Variants in PRUNE2 observed in about 807,000 individuals in gnomAD.
The protein encoded by PRUNE2 is protein prune homolog 2.
A neutral mutation model predicts 252.0 loss-of-function variants in PRUNE2; 164 were observed. The observed-to-expected ratio is 0.65, with a 90% CI of 0.57 to 0.74. The LOEUF is 0.74. Ranked by LOEUF, PRUNE2 falls within the 30% of genes least tolerant of loss-of-function variation. PRUNE2 has a pLI of 0.00. For synonymous variants in PRUNE2, 1,292 were observed against 1,350.2 expected (o/e 0.96, Z 0.94); for missense variants, 3,495 against 3,711.0 (o/e 0.94, Z 1.51).
At chr9:76,701,765 T>C (rs2045906853) in intron 9 of PRUNE2, among the ~76,000 whole-genome samples, 1 of 152,208 alleles carries the variant, frequency 6.6e-6, no homozygotes, top group African/African-American at 2.4e-5. Context: ...TTCTTTCCAT[T>C]GTCCTTGTTC....
intron 6 of PRUNE2, among the ~76,000 whole-genome samples, chr9:76,714,063 T>C (rs1411700100): frequency 1.3e-5 from 2 of 152,346 alleles, no homozygotes; most frequent in South Asian, 4.1e-4. Flanking sequence ...AGGATCTATA[T>C]ACGAATGTCT....
intron 6 of PRUNE2, among the ~76,000 whole-genome samples, chr9:76,726,093 G>C (rs2048080810): frequency 6.6e-6 from 1 of 151,972 alleles, no homozygotes; most frequent in Non-Finnish European, 1.5e-5. Context: ...CCTCTACACG[G>C]TGGGAACCAC....
At chr9:76,670,270 G>T (rs1355712938) in intron 9 of PRUNE2, among the ~76,000 whole-genome samples, 3 of 152,080 alleles carry the variant, frequency 2.0e-5, no homozygotes, top group Non-Finnish European at 4.4e-5. Context: ...TTCCCTTTCT[G>T]AGTCAAAGAA....
At chr9:76,631,259 C>G (rs1837517676) in intron 15 of PRUNE2, among the ~76,000 whole-genome samples, 1 of 152,220 alleles carries the variant, frequency 6.6e-6, no homozygotes, top group African/African-American at 2.4e-5. Context: ...AAAGGAAAAC[C>G]TCCAGCTCCA....
intron 4 of PRUNE2, among the ~76,000 whole-genome samples, chr9:76,838,399 C>A (rs1265843019): frequency 6.6e-6 from 1 of 151,880 alleles, no homozygotes; most frequent in Non-Finnish European, 1.5e-5. Flanking sequence ...AATCCCAACA[C>A]TTTGGGGGGC....
chr9:76,776,824 T>G (rs1028780780), intron 6 of PRUNE2, among the ~76,000 whole-genome samples: 26 of 151,622 alleles, frequency 1.7e-4, no homozygotes, highest in South Asian at 4.2e-4. Context: ...CCAGCAGTTT[T>G]TTTTTTTTTT....
chr9:76,623,783 C>G (rs577406184), intron 17 of PRUNE2, among the ~76,000 whole-genome samples: 100 of 152,322 alleles, frequency 6.6e-4, no homozygotes, highest in African/African-American at 2.3e-3. Context: ...CTATAGATAT[C>G]TAGCTGCTCA....
chr9:76,824,363 T>G (rs578231506), intron 5 of PRUNE2, among the ~76,000 whole-genome samples: 1 of 152,306 alleles, frequency 6.6e-6, no homozygotes, highest in South Asian at 2.1e-4. Context: ...AAGCCAAAAC[T>G]GGCTTTCAGG....
intron 6 of PRUNE2, among the ~76,000 whole-genome samples, chr9:76,767,343 C>A (rs2092707875): frequency 6.6e-6 from 1 of 151,850 alleles, no homozygotes; most frequent in Non-Finnish European, 1.5e-5. Flanking sequence ...CCCAGCTACT[C>A]GAGAGGCCGA....
rs1002248606 is a variant in PRUNE2 at position 76,849,532 on chromosome 9, A to T, written c.344+931T>A. Among the ~76,000 whole-genome samples, 57 of 152,156 alleles carry T rather than the reference A, an allele frequency of 3.7e-4. 1 individual carries two copies. Among genetic ancestry groups the T allele is most frequent in the African/African-American group, 1.4e-3 (56 of 41,440 alleles). On this transcript the variant is annotated intron_variant, in intron 3 of 18. Transcript: ENST00000376718. ...AGAAAGTGTTTGAAATGGTTCAAAA[A>T]CTATAATTTTAGGCCAGGTGTGATG... is the stretch of plus-strand genomic sequence containing the variant.
At chr9:76,782,355 G>T (rs1033325312) in intron 6 of PRUNE2, among the ~76,000 whole-genome samples, 2 of 152,284 alleles carry the variant, frequency 1.3e-5, no homozygotes, top group Admixed American at 6.5e-5. Flanking sequence ...CAGCATTTTT[G>T]ATAATTTCTG....
rs1345790118 is a variant in PRUNE2, at chr9:76,629,205, C to T, written c.9136G>A (p.Glu3046Lys). The change falls in exon 16 of 19, where the codon GAG becomes AAG. Residue 3046 changes from glutamate (E) to lysine (K), a missense_variant. Glu to Lys is a moderately conservative substitution (Grantham distance 56). Coordinates refer to ENST00000376718, the MANE Select transcript of PRUNE2 (RefSeq NM_015225.3). ...GTCAGGACTTACTTGATGATGCTCT[C>T]TGGAATGTGGATGCAATCCATTGGG... Reference protein sequence around the residue: ...LIPMDCIHIPESIIKLDEELR... With the variant: ...LIPMDCIHIPKSIIKLDEELR... 1.3e-6 allele frequency: 2 copies of T among 1,598,874 alleles called. No homozygotes were observed.
chr9:76,681,015 G>T (rs1330558709), intron 9 of PRUNE2, among the ~76,000 whole-genome samples: 4 of 152,166 alleles, frequency 2.6e-5, no homozygotes, highest in Admixed American at 2.0e-4. Context: ...TAGGGACACA[G>T]AGCCAAACCA....
At chr9:76,831,233 A>G (rs1381163406) in intron 4 of PRUNE2, among the ~76,000 whole-genome samples, 1 of 152,094 alleles carries the variant, frequency 6.6e-6, no homozygotes, top group Non-Finnish European at 1.5e-5. Flanking sequence ...CCAGCCAACA[A>G]ATTCTAAAAG....
chr9:76,751,966 T>C (rs1047972078), intron 6 of PRUNE2, among the ~76,000 whole-genome samples: 2 of 152,162 alleles, frequency 1.3e-5, no homozygotes, highest in African/African-American at 2.4e-5. Context: ...CCAAGACAGA[T>C]AGATTAGTTA....
chr9:76,852,504 C>T (rs1161723772), intron 2 of PRUNE2, among the ~76,000 whole-genome samples: 2 of 152,196 alleles, frequency 1.3e-5, no homozygotes, highest in Admixed American at 6.5e-5. Flanking sequence ...TCTGAAAATG[C>T]GGCTCACTTA....
intron 2 of PRUNE2, among the ~76,000 whole-genome samples, chr9:76,851,271 G>A (rs190714861): frequency 6.6e-6 from 1 of 152,140 alleles, no homozygotes; most frequent in East Asian, 1.9e-4. Context: ...TAACGGGCTG[G>A]GTGCGATGGT....
intron 11 of PRUNE2, among the ~76,000 whole-genome samples, chr9:76,649,118 A>T (rs769896042): frequency 2.0e-5 from 3 of 152,216 alleles, no homozygotes; most frequent in Non-Finnish European, 4.4e-5. Flanking sequence ...CTGTGAACCT[A>T]AAGTTGCTCT....
At chr9:76,829,574 T>C (rs2058550493) in intron 4 of PRUNE2, among the ~76,000 whole-genome samples, 2 of 152,142 alleles carry the variant, frequency 1.3e-5, no homozygotes, top group African/African-American at 4.8e-5. Flanking sequence ...TTTTGTACTA[T>C]ATTGACAGAG....
Sources: allele counts gnomAD v4.1 joint callset (sites outside exome capture counted in the v4.1 genomes callset), GRCh38; gene constraint gnomAD v4.1.1; transcripts MANE v1.5; gene names NCBI Gene and HGNC (gene_info 2026-07-23, HGNC 2026-07-21).